Variants in MACROD2 observed in about 807,000 individuals in gnomAD.
MACROD2 encodes the protein mono-ADP ribosylhydrolase 2.
In MACROD2, 36 loss-of-function variants were observed where a neutral mutation model predicts 70.4. That is an observed-to-expected ratio of 0.51 (90% CI 0.39 to 0.68). The LOEUF (loss-of-function observed/expected upper bound fraction) is 0.68. Among genes scored for constraint, MACROD2 ranks in the 30% least tolerant of loss-of-function variants. The pLI is 0.00. For synonymous variants in MACROD2, 172 were observed against 178.8 expected (o/e 0.96, Z 0.30); for missense variants, 496 against 538.4 (o/e 0.92, Z 0.78).
In MACROD2 at chr20:15,189,857, C is replaced by T. The variant is rs185901022; in HGVS notation, c.419-40083C>T. On this transcript the variant is annotated intron_variant, in intron 5 of 17. Coordinates refer to ENST00000684519, the MANE Select transcript of MACROD2 (RefSeq NM_001351661.2). ...CACCGAGATGATTTTTTTTTTCCAA[C>T]GGTAGAACCTCCTGGCCTGATCCTA... Among the ~76,000 whole-genome samples the T allele has an allele frequency of 1.1e-3, 161 of 151,456 alleles. 1 individual carries two copies. Among genetic ancestry groups the T allele is most frequent in the African/African-American group, 3.7e-3 (152 of 41,276 alleles).
At chr20:14,712,715 T>C (rs2071352135) in intron 5 of MACROD2, among the ~76,000 whole-genome samples, 1 of 152,216 alleles carries the variant, frequency 6.6e-6, no homozygotes, top group Non-Finnish European at 1.5e-5. Context: ...GGAGCTTGAA[T>C]TGTCAGTATC....
chr20:15,917,898 C>T (rs1390459532), intron 10 of MACROD2, among the ~76,000 whole-genome samples: 1 of 151,454 alleles, frequency 6.6e-6, no homozygotes, highest in Non-Finnish European at 1.5e-5. Flanking sequence ...AGCTGTTCAT[C>T]ATATTAATGT....
chr20:14,252,058 T>A (rs1252445997), intron 3 of MACROD2, among the ~76,000 whole-genome samples: 1 of 152,084 alleles, frequency 6.6e-6, no homozygotes, highest in Non-Finnish European at 1.5e-5. Context: ...CTTTTATGTG[T>A]CCCACTATGG....
intron 6 of MACROD2, among the ~76,000 whole-genome samples, chr20:15,339,585 C>A (rs2078085581): frequency 6.6e-6 from 1 of 151,704 alleles, no homozygotes; most frequent in Non-Finnish European, 1.5e-5. Flanking sequence ...TTATCTTGTG[C>A]TTATCAGTGA....
intron 3 of MACROD2, among the ~76,000 whole-genome samples, chr20:14,456,261 G>C (rs972499566): frequency 1.3e-4 from 20 of 151,772 alleles, no homozygotes; most frequent in African/African-American, 4.4e-4. Flanking sequence ...AGTGAATAAG[G>C]TTACGCATTT....
intron 5 of MACROD2, among the ~76,000 whole-genome samples, chr20:15,040,178 G>T (rs1369095124): frequency 1.3e-5 from 2 of 152,108 alleles, no homozygotes; most frequent in African/African-American, 4.8e-5. Context: ...AGCCAGGTGT[G>T]GTGGCACATG....
intron 8 of MACROD2, among the ~76,000 whole-genome samples, chr20:15,727,620 G>A (rs2050884440): frequency 6.6e-6 from 1 of 152,010 alleles, no homozygotes; most frequent in South Asian, 2.1e-4. Context: ...TCTTTGAGGA[G>A]TATTTTGTAA....
At chr20:16,025,592 G>A (rs945550391) in intron 15 of MACROD2, among the ~76,000 whole-genome samples, 1 of 148,308 alleles carries the variant, frequency 6.7e-6, no homozygotes, top group Non-Finnish European at 1.5e-5. Context: ...GCTTTGATAT[G>A]AATTCAGGAA....
chr20:15,787,414 A>G (rs1390855652), intron 8 of MACROD2, among the ~76,000 whole-genome samples: 1 of 152,150 alleles, frequency 6.6e-6, no homozygotes, highest in African/African-American at 2.4e-5. Flanking sequence ...CATCACTCAA[A>G]TAGTGAACAT....
At chr20:14,798,457 A>G (rs2072536901) in intron 5 of MACROD2, among the ~76,000 whole-genome samples, 1 of 152,066 alleles carries the variant, frequency 6.6e-6, no homozygotes, top group South Asian at 2.1e-4. Flanking sequence ...AGAAAAAAGT[A>G]TTCATCATGT....
intron 8 of MACROD2, among the ~76,000 whole-genome samples, chr20:15,836,732 C>G (rs2064118216): frequency 6.6e-6 from 1 of 152,174 alleles, no homozygotes. Flanking sequence ...GGACTTACCA[C>G]TTTAACATGA....
chr20:15,146,264 G>A (rs569316419), intron 5 of MACROD2, among the ~76,000 whole-genome samples: 4 of 152,142 alleles, frequency 2.6e-5, no homozygotes, highest in African/African-American at 9.6e-5. Context: ...ACGGAATATA[G>A]GATTTCTAGA....
chr20:15,382,521 A>G (rs2146280614), intron 6 of MACROD2, among the ~76,000 whole-genome samples: 1 of 152,342 alleles, frequency 6.6e-6, no homozygotes, highest in African/African-American at 2.4e-5. Flanking sequence ...AATTGTATGA[A>G]TAAACGTAGA....
At chr20:15,705,660 A>G (rs1422091008) in intron 8 of MACROD2, among the ~76,000 whole-genome samples, 1 of 152,086 alleles carries the variant, frequency 6.6e-6, no homozygotes. Flanking sequence ...CTCAAATCTC[A>G]GCCTCCCAAA....
intron 5 of MACROD2, among the ~76,000 whole-genome samples, chr20:14,720,968 G>T (rs563231112): frequency 5.9e-5 from 9 of 151,994 alleles, no homozygotes; most frequent in Non-Finnish European, 1.0e-4. Context: ...AAAACTCAAG[G>T]AGTTGGCCGG....
chr20:15,550,927 T>C (rs1454485213), intron 8 of MACROD2, among the ~76,000 whole-genome samples: 5 of 152,186 alleles, frequency 3.3e-5, no homozygotes, highest in Admixed American at 2.0e-4. Flanking sequence ...TCAAGGTATC[T>C]CAATACTGAA....
intron 8 of MACROD2, among the ~76,000 whole-genome samples, chr20:15,622,772 G>A (rs904591084): frequency 3.9e-5 from 6 of 152,192 alleles, no homozygotes; most frequent in Non-Finnish European, 8.8e-5. Context: ...TTGAGAGAGA[G>A]AGACCACATT....
intron 5 of MACROD2, among the ~76,000 whole-genome samples, chr20:15,096,249 G>A (rs907671869): frequency 6.6e-6 from 1 of 151,992 alleles, no homozygotes; most frequent in Non-Finnish European, 1.5e-5. Flanking sequence ...TACTCAAGGT[G>A]CAATCATCAG....
At chr20:15,858,007 C>T (rs2064377139) in intron 8 of MACROD2, among the ~76,000 whole-genome samples, 1 of 152,028 alleles carries the variant, frequency 6.6e-6, no homozygotes, top group Non-Finnish European at 1.5e-5. Flanking sequence ...AAATTTGAGT[C>T]CATCCTGGCA....
Sources: allele counts gnomAD v4.1 joint callset (sites outside exome capture counted in the v4.1 genomes callset), GRCh38; gene constraint gnomAD v4.1.1; transcripts MANE v1.5; gene names NCBI Gene and HGNC (gene_info 2026-07-23, HGNC 2026-07-21).